Variants in SLC10A7 observed in about 807,000 individuals in gnomAD.
SLC10A7 encodes the protein solute carrier family 10 member 7, also known as sodium/bile acid cotransporter 7.
A neutral mutation model predicts 43.2 loss-of-function variants in SLC10A7; 29 were observed. That is an observed-to-expected ratio of 0.67 (90% CI 0.50 to 0.92). The LOEUF (loss-of-function observed/expected upper bound fraction) is 0.92, where lower values mean the gene tolerates loss of function less well. Among genes scored for constraint, SLC10A7 ranks in the 40% least tolerant of loss-of-function variants. The probability of loss-of-function intolerance (pLI) is 0.00; values close to 1 mark genes in which losing one functional copy is unlikely to be tolerated. For synonymous variants in SLC10A7, 152 were observed against 144.8 expected (o/e 1.05, Z -0.35); for missense variants, 295 against 403.2 (o/e 0.73, Z 2.30).
At chr4:146,356,317 C>T (rs1385963380) in intron 5 of SLC10A7, among the ~76,000 whole-genome samples, 4 of 152,044 alleles carry the variant, frequency 2.6e-5, no homozygotes, top group Admixed American at 1.3e-4. Context: ...TACATAATCA[C>T]TTAATCCTTA....
intron 4 of SLC10A7, among the ~76,000 whole-genome samples, chr4:146,444,688 A>C (rs928175396): frequency 2.0e-5 from 3 of 152,182 alleles, no homozygotes; most frequent in Admixed American, 1.3e-4. Flanking sequence ...CCCAAAGACG[A>C]TGCTGCAGGC....
At chr4:146,430,551 A>G (rs1729702323) in intron 5 of SLC10A7, among the ~76,000 whole-genome samples, 1 of 152,208 alleles carries the variant, frequency 6.6e-6, no homozygotes, top group African/African-American at 2.4e-5. Flanking sequence ...TAAAAAAACC[A>G]AAATACAAAT....
At chr4:146,462,875 T>A (rs894557828) in intron 4 of SLC10A7, among the ~76,000 whole-genome samples, 6 of 152,160 alleles carry the variant, frequency 3.9e-5, no homozygotes, top group Admixed American at 2.6e-4. Flanking sequence ...AAAAATCACC[T>A]GTGAAGATAC....
rs190025949 is a variant in SLC10A7 at position 146,255,496 on chromosome 4, T to C, written c.*995A>G. ...TTTGTCAAATCTGCCAAGGAAATTT[T>C]CATTAATAAATTGTCTCAAATACCT... On this transcript the variant is annotated 3_prime_UTR_variant, in exon 12 of 12. Transcript: ENST00000335472. 6 of 152,748 alleles carry C rather than the reference T, an allele frequency of 3.9e-5. No individual in the cohort carries two copies. Among genetic ancestry groups the C allele is most frequent in the African/African-American group, 1.4e-4 (6 of 41,562 alleles). 9.5% of individuals were successfully genotyped at this position (152,748 alleles called of 1,614,324 possible). A position where few individuals can be genotyped will look rare whatever the true frequency, so the allele number is the denominator to read the frequency against.
At chr4:146,476,241 T>C (rs1166004987) in intron 4 of SLC10A7, among the ~76,000 whole-genome samples, 1 of 152,166 alleles carries the variant, frequency 6.6e-6, no homozygotes, top group Non-Finnish European at 1.5e-5. Context: ...TAATACCTAT[T>C]TTTTAAAGCA....
At chr4:146,321,435 C>T (rs1732697440) in intron 6 of SLC10A7, among the ~76,000 whole-genome samples, 2 of 152,062 alleles carry the variant, frequency 1.3e-5, no homozygotes, top group Admixed American at 6.6e-5. Context: ...CACTCTATTC[C>T]AGTATGTCCT....
chr4:146,493,565 A>G (rs1256440513), intron 4 of SLC10A7, among the ~76,000 whole-genome samples: 1 of 151,006 alleles, frequency 6.6e-6, no homozygotes, highest in African/African-American at 2.4e-5. Context: ...GTTGTTGTTC[A>G]TTGGAATGGA....
At chr4:146,281,835 A>C (rs1729576530) in intron 10 of SLC10A7, among the ~76,000 whole-genome samples, 1 of 152,186 alleles carries the variant, frequency 6.6e-6, no homozygotes, top group African/African-American at 2.4e-5. Context: ...TAGAGTACTC[A>C]CCAAGTGCCA....
intron 4 of SLC10A7, among the ~76,000 whole-genome samples, chr4:146,460,399 T>C (rs1479978316): frequency 3.3e-5 from 5 of 152,032 alleles, no homozygotes; most frequent in Admixed American, 3.3e-4. Flanking sequence ...TCGGATTTAT[T>C]TGTAATAGCT....
Position 146,256,519 on chromosome 4 carries a change from C to T in SLC10A7, c.995G>A (p.Gly332Glu). The T allele has an allele frequency of 1.2e-6, 2 of 1,614,006 alleles. No individual in the cohort carries two copies. Among genetic ancestry groups the T allele is most frequent in the African/African-American group, 1.3e-5 (1 of 75,010 alleles). ...TACTGTCGGCCTTGTCAGCTTCACTCCCTACAAGGAAGGAAAACATGTTCA... is the reference window on the plus strand; with the variant it reads ...TACTGTCGGCCTTGTCAGCTTCACTTCCTACAAGGAAGGAAAACATGTTCA... ...IKSWMVSRQKGVKLTRPTV is the reference protein window; with the variant it reads ...IKSWMVSRQKEVKLTRPTV The change falls in exon 12 of 12, where the codon GGA (glycine) becomes GAA (glutamate). Residue 332 changes from glycine (G) to glutamate (E), a missense_variant and splice_region_variant. Around this residue, in one of 2 missense-constraint regions of SLC10A7, gnomAD observed 242 missense variants for 362.5 expected, o/e 0.67. Transcript: ENST00000335472.
chr4:146,308,897 A>G (rs985178510), intron 6 of SLC10A7, among the ~76,000 whole-genome samples: 1 of 152,128 alleles, frequency 6.6e-6, no homozygotes, highest in Non-Finnish European at 1.5e-5. Context: ...GAAATTTAGG[A>G]TCTTTGCATT....
At position 146,305,979 on chromosome 4, in the gene SLC10A7, A is replaced by T; in HGVS notation, c.502T>A (p.Ser168Thr). 1 of 1,610,508 alleles carries T rather than the reference A, an allele frequency of 6.2e-7. No individual in the cohort carries two copies. Among genetic ancestry groups the T allele is most frequent in the Non-Finnish European group, 8.5e-7 (1 of 1,178,596 alleles). ...GTCATAAAAAGCTGAGAAAAAATAG[A>T]TGTGAAAGGCACAGAAGAAGATGAA... ...LGSSSSVPFT[S>T]IFSQLFMTVV... Residue 168 changes from serine (S) to threonine (T), a missense_variant, in exon 7 of 12, where the codon TCT becomes ACT. By Grantham distance (58) the Ser-to-Thr change is moderately conservative. Transcript: ENST00000335472.
intron 5 of SLC10A7, among the ~76,000 whole-genome samples, chr4:146,428,983 A>G (rs1454318596): frequency 6.6e-6 from 1 of 152,166 alleles, no homozygotes; most frequent in African/African-American, 2.4e-5. Flanking sequence ...AAACTATTAT[A>G]CAGGGATAAT....
intron 5 of SLC10A7, among the ~76,000 whole-genome samples, chr4:146,381,153 G>A (rs1737590493): frequency 6.6e-6 from 1 of 152,118 alleles, no homozygotes; most frequent in African/African-American, 2.4e-5. Flanking sequence ...ATGCAAATGA[G>A]GGGCCCTAAA....
At chr4:146,365,068 C>T (rs1736302023) in intron 5 of SLC10A7, among the ~76,000 whole-genome samples, 1 of 152,000 alleles carries the variant, frequency 6.6e-6, no homozygotes, top group Admixed American at 6.6e-5. Flanking sequence ...TCATGAGGTC[C>T]ATGAACTGAT....
At chr4:146,428,661 C>T (rs1486577037) in intron 5 of SLC10A7, among the ~76,000 whole-genome samples, 2 of 151,000 alleles carry the variant, frequency 1.3e-5, no homozygotes, top group Non-Finnish European at 3.0e-5. Context: ...TTTACTTCTT[C>T]TTTAGGATAC....
At chr4:146,423,204 C>T (rs1192497629) in intron 5 of SLC10A7, among the ~76,000 whole-genome samples, 5 of 151,794 alleles carry the variant, frequency 3.3e-5, no homozygotes, top group African/African-American at 1.2e-4. Flanking sequence ...TTTTTTTTTG[C>T]TAAAATTCTA....
chr4:146,305,731 C>T (rs1731522535), intron 7 of SLC10A7, among the ~76,000 whole-genome samples, 195 bp downstream of exon 7: 1 of 151,994 alleles, frequency 6.6e-6, no homozygotes, highest in Admixed American at 6.6e-5. Flanking sequence ...ATACAGCTAA[C>T]TGCAAAGCAG....
chr4:146,262,712 A>G (rs953250372), intron 10 of SLC10A7, among the ~76,000 whole-genome samples: 3 of 152,216 alleles, frequency 2.0e-5, no homozygotes, highest in Non-Finnish European at 4.4e-5. Flanking sequence ...CTTACTGGGC[A>G]CATGGGTGAC....
Sources: gnomAD v4.1 joint callset for allele counts (sites outside exome capture counted in the v4.1 genomes callset) on GRCh38, gnomAD v4.1.1 for gene constraint, gnomAD v4.1.1 regional missense constraint, MANE v1.5 for transcripts, NCBI Gene and HGNC (gene_info 2026-07-23, HGNC 2026-07-21) for gene names.